PCDHGA4: variants seen among roughly 807,000 people sequenced by gnomAD.
PCDHGA4 encodes the protein protocadherin gamma-A4.
PCDHGA4 carries 38 observed loss-of-function variants against 54.6 expected under a neutral mutation model. That is an observed-to-expected ratio of 0.70 (90% CI 0.54 to 0.91). The LOEUF (loss-of-function observed/expected upper bound fraction) is 0.91. Ranked by LOEUF, PCDHGA4 falls within the 40% of genes least tolerant of loss-of-function variation. The probability of loss-of-function intolerance (pLI) is 0.00; values close to 1 mark genes in which losing one functional copy is unlikely to be tolerated. For missense variants in PCDHGA4, 1,298 were observed against 1,220.9 expected, an observed-to-expected ratio of 1.06 and a Z score of -0.94; for synonymous variants, 511 against 512.9, an observed-to-expected ratio of 1.00 and a Z score of 0.05.
At chr5:141,414,773 A>G in intron 1 of PCDHGA4, 1 of 1,614,204 alleles carries the variant, frequency 6.2e-7, no homozygotes, top group Non-Finnish European at 8.5e-7. Flanking sequence ...CATGAGCTAC[A>G]GATGCAGGTG....
rs530007628 is a variant in PCDHGA4 at position 141,376,702 on chromosome 5, C to T, written c.2514+19081C>T. 1,559 of 561,286 alleles carry T rather than the reference C, an allele frequency of 2.8e-3. 9 individuals carry two copies. The highest frequency in any genetic ancestry group is 3.4e-3 in the Non-Finnish European group (1,255 of 368,136). The allele number at this position is 561,286 out of a possible 1,614,324, so 34.8% of individuals were successfully genotyped here. On this transcript the variant is annotated intron_variant, in intron 1 of 3. Transcript: ENST00000571252. Reference sequence around the variant, plus strand: ...TTTTTTTTTTTTTTTTTTTTTGAGACGGAGTCTCGCTCTGTCGCCCAGGCC... The same window carrying T: ...TTTTTTTTTTTTTTTTTTTTTGAGATGGAGTCTCGCTCTGTCGCCCAGGCC...
In PCDHGA4 at chr5:141,408,282, C is replaced by A. The variant is rs1045626164; in HGVS notation, c.2514+50661C>A. On this transcript the variant is annotated intron_variant, in intron 1 of 3. Transcript: ENST00000571252. ...CCTTTGCTGCTGCCTTTGTTCTACC[C>A]CACCCTGAGTGAGCCGATCCGCTAC... The A allele has an allele frequency of 5.0e-6, 8 of 1,612,846 alleles. No individual in the cohort carries two copies. The African/African-American group carries it at 1.1e-4, about 22-fold the overall frequency.
chr5:141,375,213 G>A (rs778646849), intron 1 of PCDHGA4: 9 of 1,613,810 alleles, frequency 5.6e-6, no homozygotes, highest in Non-Finnish European at 7.6e-6. Context: ...CGAGACTCTG[G>A]CCTGAATGGC....
At chr5:141,505,348 G>A (rs1414647950) in intron 2 of PCDHGA4, 45 bp from the exon 3 acceptor site, 1 of 1,613,358 alleles carries the variant, frequency 6.2e-7, no homozygotes, top group Admixed American at 1.7e-5. Context: ...GGCATGAGCT[G>A]TGCCGGCCTG....
intron 1 of PCDHGA4, among the ~76,000 whole-genome samples, chr5:141,483,010 G>C (rs574078222): frequency 6.6e-6 from 1 of 152,006 alleles, no homozygotes; most frequent in Non-Finnish European, 1.5e-5. Flanking sequence ...GCTTGAACCC[G>C]GGAGGCAGAG....
In PCDHGA4 at chr5:141,491,667, G is replaced by C. The variant is rs746903142; in HGVS notation, c.2515-3140G>C. The C allele has an allele frequency of 3.7e-6, 6 of 1,613,678 alleles. No individual in the cohort carries two copies. The South Asian group carries it at 6.6e-5, about 18-fold the overall frequency. On this transcript the variant is annotated intron_variant, in intron 1 of 3. Transcript: ENST00000571252. This position sits in a 1 kb window ranked among gnomAD's most constrained non-coding sequence, Gnocchi z 6.9. Reference sequence around the variant, plus strand: ...TGGCGCTGGAGCCTGACGCCATCCGGTCCCGCTCTAATACGCTGCGGGAGC... The same window carrying C: ...TGGCGCTGGAGCCTGACGCCATCCGCTCCCGCTCTAATACGCTGCGGGAGC...
Position 141,432,093 on chromosome 5 carries a change from C to G in PCDHGA4, c.2515-62714C>G. On this transcript the variant is annotated intron_variant, in intron 1 of 3. Coordinates refer to ENST00000571252, the MANE Select transcript of PCDHGA4 (RefSeq NM_018917.4). This position sits in a 1 kb window ranked among gnomAD's most constrained non-coding sequence, Gnocchi z 6.0. ...CATATCTCGCTGAACGTGGCAGACA[C>G]CAACGACAACCCGCCGGTCTTCCCT... 1 of 1,614,170 alleles carries G rather than the reference C, an allele frequency of 6.2e-7. No individual in the cohort carries two copies. The highest frequency in any genetic ancestry group is 8.5e-7 in the Non-Finnish European group (1 of 1,180,046).
At position 141,356,202 on chromosome 5, in the gene PCDHGA4, G is replaced by C; in HGVS notation, c.1095G>C (p.Leu365=). ...GPGLRARSKV[L]VTVLDENDNA... ...GTCTCCGAGCTAGAAGCAAGGTACT[G>C]GTGACAGTTCTGGATGAAAATGACA... The change falls in exon 1 of 4, where the codon CTG becomes CTC. Residue 365 remains leucine (L), a synonymous_variant. Coordinates refer to ENST00000571252, the MANE Select transcript of PCDHGA4 (RefSeq NM_018917.4). 6.2e-7 allele frequency: 1 copy of C among 1,607,648 alleles called. No individual in the cohort carries two copies. Among genetic ancestry groups the C allele is most frequent in the Non-Finnish European group, 8.5e-7 (1 of 1,176,798 alleles).
In PCDHGA4 at chr5:141,490,499, A is replaced by G. The variant is rs1269710790; in HGVS notation, c.2515-4308A>G. On this transcript the variant is annotated intron_variant, in intron 1 of 3. Coordinates refer to ENST00000571252, the MANE Select transcript of PCDHGA4 (RefSeq NM_018917.4). The surrounding 1 kb of genome is among the most constrained non-coding windows in gnomAD (Gnocchi z 5.4). ...TTGGACCGGGAGGCCACATCCCACT[A>G]TATCATCGAGCTGCTGGCCAGCGAT... 1.2e-6 allele frequency: 2 copies of G among 1,614,148 alleles called. No homozygotes were observed. Among genetic ancestry groups the G allele is most frequent in the Non-Finnish European group, 8.5e-7 (1 of 1,180,020 alleles).
In PCDHGA4 at chr5:141,356,076, T is replaced by G. The variant is rs772050180; in HGVS notation, c.969T>G (p.Phe323Leu). The G allele has an allele frequency of 1.2e-6, 2 of 1,613,914 alleles. No homozygotes were observed. The highest frequency in any genetic ancestry group is 2.2e-5 in the South Asian group (2 of 91,078). Residue 323 changes from phenylalanine to leucine, a missense_variant, in exon 1 of 4, where the codon TTT (phenylalanine) becomes TTG (leucine). Transcript: ENST00000571252. ...RKVRDKISQL[F>L]QLNSLSGDIT... is the part of the protein sequence containing the mutation. ...TAAGAGACAAAATATCACAGCTATT[T>G]CAGTTGAATTCTCTGAGTGGGGATA... is the stretch of plus-strand genomic sequence containing the variant.
chr5:141,444,410 A>G (rs2098435910), intron 1 of PCDHGA4, among the ~76,000 whole-genome samples: 1 of 151,922 alleles, frequency 6.6e-6, no homozygotes, highest in African/African-American at 2.4e-5. Flanking sequence ...ACCTCAGGTG[A>G]TCTTCCCTCC....
intron 1 of PCDHGA4, chr5:141,421,414 C>A (rs2096570568): frequency 1.9e-6 from 3 of 1,614,066 alleles, no homozygotes; most frequent in South Asian, 2.2e-5. Flanking sequence ...GCTGGCGAAG[C>A]GCGGAGTCCG....
rs767719494 is a variant in PCDHGA4 at position 141,491,200 on chromosome 5, C to T, written c.2515-3607C>T. On this transcript the variant is annotated intron_variant, in intron 1 of 3. Coordinates refer to ENST00000571252, the MANE Select transcript of PCDHGA4 (RefSeq NM_018917.4). This position sits in a 1 kb window ranked among gnomAD's most constrained non-coding sequence, Gnocchi z 6.9. The stretch of plus-strand genomic sequence containing the variant: ...GGTCCTGGTGAGGGACAATGGTGAC[C>T]CTTCACTCTCCTCCACAGCCACAGT... 4 of 1,614,158 alleles carry T rather than the reference C, an allele frequency of 2.5e-6. No individual in the cohort carries two copies. The highest frequency in any genetic ancestry group is 3.4e-6 in the Non-Finnish European group (4 of 1,180,000).
chr5:141,448,669 G>A (rs553283446), intron 1 of PCDHGA4, among the ~76,000 whole-genome samples: 13 of 152,136 alleles, frequency 8.5e-5, no homozygotes, highest in African/African-American at 7.2e-5. Flanking sequence ...GGCCGGGCGC[G>A]GTGGCTCACG....
At chr5:141,383,719 A>G in intron 1 of PCDHGA4, 1 of 1,613,984 alleles carries the variant, frequency 6.2e-7, no homozygotes, top group Non-Finnish European at 8.5e-7. Flanking sequence ...CGAGGGAGTC[A>G]ATGGGGAAGT....
intron 1 of PCDHGA4, chr5:141,422,797 G>A (rs1037091316): frequency 2.5e-6 from 4 of 1,614,244 alleles, no homozygotes; most frequent in Non-Finnish European, 3.4e-6. Context: ...CTTCGACTAT[G>A]AGCAGTTTCG....
rs757065593 is a variant in PCDHGA4, at chr5:141,418,576, C to G, written c.2514+60955C>G. 1.5e-5 allele frequency: 25 copies of G among 1,614,012 alleles called. No homozygotes were observed. In the South Asian group the frequency reaches 2.7e-4, roughly 18 times the overall value. On this transcript the variant is annotated intron_variant, in intron 1 of 3. Transcript: ENST00000571252. ...TGGTAATAGATGCCAATGACAACCCCCCAGTGTTCAGCCAGGACGTGTACA... is the reference window on the plus strand; with the variant it reads ...TGGTAATAGATGCCAATGACAACCCGCCAGTGTTCAGCCAGGACGTGTACA...
intron 1 of PCDHGA4, chr5:141,364,591 G>C (rs754833725): frequency 3.7e-6 from 6 of 1,614,076 alleles, no homozygotes; most frequent in Non-Finnish European, 3.4e-6. Context: ...TGGTCACCGC[G>C]GGCAGGATAG....
chr5:141,403,318 A>G, intron 1 of PCDHGA4: 1 of 1,613,982 alleles, frequency 6.2e-7, no homozygotes, highest in Non-Finnish European at 8.5e-7. Flanking sequence ...TAGAAATAGA[A>G]GTAACTGATA....
Sources: allele counts gnomAD v4.1 joint callset (sites outside exome capture counted in the v4.1 genomes callset), GRCh38; gene constraint gnomAD v4.1.1; non-coding constraint Gnocchi (gnomAD v3.1); transcripts MANE v1.5; gene names NCBI Gene and HGNC (gene_info 2026-07-23, HGNC 2026-07-21).